SHOX: variants seen among roughly 807,000 people sequenced by gnomAD.
SHOX encodes the protein short stature homeobox protein.
SHOX carries 12 observed loss-of-function variants against 29.6 expected under a neutral mutation model. The observed-to-expected ratio is 0.41, with a 90% CI of 0.26 to 0.66. The LOEUF (loss-of-function observed/expected upper bound fraction) is 0.66. Ranked by LOEUF, SHOX falls within the 30% of genes least tolerant of loss-of-function variation. The probability of loss-of-function intolerance (pLI) is 0.35; values close to 1 mark genes in which losing one functional copy is unlikely to be tolerated. For synonymous variants in SHOX, 214 were observed against 200.6 expected (o/e 1.07, Z -0.57); for missense variants, 499 against 437.7 (o/e 1.14, Z -1.25).
At chrX:640,237 C>T (rs1356146083) in intron 2 of SHOX, among the ~76,000 whole-genome samples, 1 of 151,812 alleles carries the variant, frequency 6.6e-6, no homozygotes, top group Non-Finnish European at 1.5e-5. Context: ...CCCAGCTACT[C>T]GGGAAGCTGA....
intron 1 of SHOX, among the ~76,000 whole-genome samples, chrX:632,484 C>T (rs1332347649): frequency 6.6e-6 from 1 of 152,152 alleles, no homozygotes; most frequent in Non-Finnish European, 1.5e-5. Context: ...TCGGCTTTTG[C>T]TGATTCGCAG....
intron 2 of SHOX, among the ~76,000 whole-genome samples, chrX:640,433 G>A (rs1319076831): frequency 4.6e-5 from 7 of 151,134 alleles, no homozygotes; most frequent in South Asian, 2.1e-4. Flanking sequence ...AAAATTAGCC[G>A]GGCATGGTGG....
At chrX:626,570 T>C (rs1227092668), upstream of SHOX, among the ~76,000 whole-genome samples, 2 of 19,216 alleles carry the variant, frequency 1.0e-4, no homozygotes, top group East Asian at 1.8e-3. Context: ...TTTCTCTGTC[T>C]CTGTCTGTAT....
In SHOX at chrX:624,913, T is replaced by C. The variant is rs868760175; in HGVS notation, c.-433+311T>C. On this transcript the variant is annotated intron_variant, in intron 1 of 5. Coordinates refer to the SHOX transcript ENST00000334060. ...TTCTTTCTTTCTTTCTCTCTTCCTT[T>C]CTTTCTTTCTTTCTTTCTTTTCTTT... 3.9e-3 allele frequency among the ~76,000 whole-genome samples: 321 copies of C among 83,334 alleles called. 6 individuals carry two copies. Among genetic ancestry groups the C allele is most frequent in the African/African-American group, 0.024 (248 of 10,244 alleles). The allele number at this position is 83,334 out of a possible 152,430, so 54.7% of individuals were successfully genotyped here.
rs1481760686 is a variant in SHOX, at chrX:634,629, T to C, written c.289T>C (p.Cys97Arg). 3 of 1,613,596 alleles carry C rather than the reference T, an allele frequency of 1.9e-6. No homozygotes were observed. The highest frequency in any genetic ancestry group is 1.7e-5 in the Admixed American group (1 of 60,016). ...CGCTCCCCACGCAGGGATTTATGAA[T>C]GCAAAGAGAAGCGCGAGGACGTGAA... The part of the protein sequence containing the change: ...TARVAEGIYE[C>R]KEKREDVKSE... The change falls in exon 2 of 5, where the codon TGC becomes CGC. Residue 97 changes from cysteine to arginine, a missense_variant. Coordinates refer to ENST00000686671, the MANE Select transcript of SHOX (RefSeq NM_000451.4).
upstream of SHOX, among the ~76,000 whole-genome samples, chrX:629,619 G>A (rs1280630561): frequency 2.6e-5 from 4 of 151,494 alleles, no homozygotes; most frequent in Admixed American, 1.3e-4. Context: ...CCAACCCACC[G>A]TCACTCATGT....
intron 2 of SHOX, among the ~76,000 whole-genome samples, chrX:635,511 C>A (rs747553622): frequency 1.3e-5 from 2 of 152,244 alleles, no homozygotes; most frequent in East Asian, 3.9e-4. Context: ...AAACCACCCC[C>A]TCCTCCCTCC....
chrX:634,444 G>C (rs2052705169), intron 1 of SHOX, among the ~76,000 whole-genome samples, 174 bp from the exon 2 acceptor site: 1 of 152,220 alleles, frequency 6.6e-6, no homozygotes, highest in Admixed American at 6.5e-5. Context: ...CCAGGTTTTT[G>C]GGAAAGCAGC....
intron 2 of SHOX, among the ~76,000 whole-genome samples, chrX:638,256 A>AT (rs368512268): frequency 0.079 from 11,691 of 147,962 alleles, 642 homozygotes; most frequent in African/African-American, 0.15. Flanking sequence ...ATTCTTCATC[A>AT]TTTTTTTTTT....
At chrX:627,312 G>C (rs1603282528), upstream of SHOX, among the ~76,000 whole-genome samples, 1 of 152,150 alleles carries the variant, frequency 6.6e-6, no homozygotes, top group Non-Finnish European at 1.5e-5. Flanking sequence ...CTCTCGTCTG[G>C]ATTTCTAACA....
rs758936927 is a variant in SHOX, at chrX:630,862, ACCAGCCCCGGCTGCTCG to A, written c.-24_-8del. On this transcript the variant is annotated 5_prime_UTR_variant, in exon 1 of 5. Coordinates refer to ENST00000686671, the MANE Select transcript of SHOX (RefSeq NM_000451.4). ...TCCGCGCGGGGAGACGCGCGCATCC[ACCAGCCCCGGCTGCTCG>A]CCAGCCCCGGCCCCAGCCATGGAAG... 9 of 1,611,206 alleles carry A rather than the reference ACCAGCCCCGGCTGCTCG, an allele frequency of 5.6e-6. No individual in the cohort carries two copies. Among genetic ancestry groups the A allele is most frequent in the Admixed American group, 1.7e-5 (1 of 59,966 alleles).
chrX:643,617 AGAG>A (rs2052906186), intron 4 of SHOX, among the ~76,000 whole-genome samples: 1 of 120,438 alleles, frequency 8.3e-6, no homozygotes, highest in Non-Finnish European at 1.7e-5. Context: ...GTGTCCTGGG[AGAG>A]CCTTGGGGAT....
intron 2 of SHOX, among the ~76,000 whole-genome samples, chrX:636,438 CAT>C (rs1250871091): frequency 5.8e-5 from 7 of 121,198 alleles, no homozygotes; most frequent in East Asian, 2.3e-4. Context: ...TATATATAAA[CAT>C]ATATACATAT....
Position 651,432 on chromosome X carries a change from C to A in SHOX, c.*6796C>A, listed in dbSNP as rs1213589488. On this transcript the variant is annotated 3_prime_UTR_variant, in exon 5 of 5. Coordinates refer to ENST00000686671, the MANE Select transcript of SHOX (RefSeq NM_000451.4). The stretch of plus-strand genomic sequence containing the variant: ...AAACAGAAAAAAAAACCAAAAAAAA[C>A]CACCCTGAGTTTCTCTGGTGACGCC... 1.8e-4 allele frequency: 82 copies of A among 453,176 alleles called. 1 individual carries two copies. The highest frequency in any genetic ancestry group is 3.1e-4 in the Non-Finnish European group (71 of 226,224). The allele number at this position is 453,176 out of a possible 1,614,324, so 28.1% of individuals were successfully genotyped here. A position where few individuals can be genotyped will look rare whatever the true frequency, so the allele number is the denominator to read the frequency against.
intron 1 of SHOX, among the ~76,000 whole-genome samples, chrX:624,905 T>C (rs1370477677): frequency 4.9e-4 from 22 of 45,216 alleles, no homozygotes; most frequent in South Asian, 8.3e-4. Context: ...TTTCTTTCTC[T>C]CTTCCTTTCT....
At position 650,802 on chromosome X, in the gene SHOX, A is replaced by AAAAC. The variant is rs2053045519; in HGVS notation, c.*6169_*6170insCAAA. Reference sequence around the variant, plus strand: ...GGACACGTTTGACATTAAAAAAAAAAAAAAAAAAAAAAAAAAACTGGTGCC... The same window carrying AAAAC: ...GGACACGTTTGACATTAAAAAAAAAAAAACAAAAAAAAAAAAAAAAACTGGTGCC... On this transcript the variant is annotated 3_prime_UTR_variant, in exon 5 of 5. Transcript: ENST00000686671. Among the ~76,000 whole-genome samples, 1 of 140,370 alleles carries AAAAC rather than the reference A, an allele frequency of 7.1e-6. No homozygotes were observed. The highest frequency in any genetic ancestry group is 7.3e-5 in the Admixed American group (1 of 13,722). 92.1% of individuals were successfully genotyped at this position (140,370 alleles called of 152,430 possible).
chrX:634,243 G>A (rs1314221687), intron 1 of SHOX, among the ~76,000 whole-genome samples: 2 of 152,158 alleles, frequency 1.3e-5, no homozygotes, highest in Admixed American at 6.5e-5. Context: ...GTCCTTCCCG[G>A]GCGTCCCGCC....
intron 2 of SHOX, among the ~76,000 whole-genome samples, chrX:638,044 C>T (rs2052787252): frequency 1.3e-5 from 2 of 152,120 alleles, no homozygotes; most frequent in South Asian, 4.1e-4. Context: ...TGTCATTATT[C>T]ACTGTCTGTA....
rs1257068214 is a variant in SHOX, at chrX:646,512, A to G, written c.*1876A>G. The stretch of plus-strand genomic sequence containing the variant: ...TTCTTTCCTAACTTCTGATTTAGAT[A>G]CTTCTCCCTGAGGTGGGGATAAAAG... On this transcript the variant is annotated 3_prime_UTR_variant, in exon 5 of 5. Transcript: ENST00000686671. 1 of 151,110 alleles carries G rather than the reference A, an allele frequency of 6.6e-6. No homozygotes were observed. Among genetic ancestry groups the G allele is most frequent in the Non-Finnish European group, 1.5e-5 (1 of 67,952 alleles). 9.4% of individuals were successfully genotyped at this position (151,110 alleles called of 1,614,324 possible). A position where few individuals can be genotyped will look rare whatever the true frequency, so the allele number is the denominator to read the frequency against.
Sources: allele counts gnomAD v4.1 joint callset (sites outside exome capture counted in the v4.1 genomes callset), GRCh38; gene constraint gnomAD v4.1.1; transcripts MANE v1.5; gene names NCBI Gene and HGNC (gene_info 2026-07-23, HGNC 2026-07-21).